The following SEC22A variants were observed in gnomAD, a reference collection of about 807,000 sequenced individuals.
The protein encoded by SEC22A is vesicle-trafficking protein SEC22a.
In SEC22A, 22 loss-of-function variants were observed where a neutral mutation model predicts 35.3. The ratio of observed to expected loss-of-function variants is 0.62; its 90% confidence interval spans 0.45 to 0.89. SEC22A has a LOEUF of 0.89. Among genes scored for constraint, SEC22A ranks in the 40% least tolerant of loss-of-function variants. The pLI is 0.00. For synonymous variants in SEC22A, 119 were observed against 129.5 expected (o/e 0.92, Z 0.55); for missense variants, 354 against 362.5 (o/e 0.98, Z 0.19).
At position 123,272,950 on chromosome 3, in the gene SEC22A, C is replaced by T. The variant is rs564584849; in HGVS notation, c.*1228C>T. 2.6e-5 allele frequency: 4 copies of T among 153,768 alleles called. No homozygotes were observed. The highest frequency in any genetic ancestry group is 3.9e-4 in the East Asian group (2 of 5,184). The allele number at this position is 153,768 out of a possible 1,614,324, so 9.5% of individuals were successfully genotyped here. On this transcript the variant is annotated 3_prime_UTR_variant, in exon 7 of 7. Transcript: ENST00000492595. ...AGAGAACTTACTTGTTTTTTGATAA[C>T]GTTTTAAAGATTGTTTAAGCAGTTA...
intron 2 of SEC22A, among the ~76,000 whole-genome samples, chr3:123,211,816 T>C (rs1309324871): frequency 1.3e-5 from 2 of 151,948 alleles, no homozygotes; most frequent in Non-Finnish European, 2.9e-5. Flanking sequence ...ACCTGTAATC[T>C]CAGCACTTTG....
At chr3:123,207,368 A>G (rs1936869752) in intron 1 of SEC22A, among the ~76,000 whole-genome samples, 1 of 151,962 alleles carries the variant, frequency 6.6e-6, no homozygotes. Context: ...TTGGAATGAG[A>G]TAATATTGAC....
intron 6 of SEC22A, among the ~76,000 whole-genome samples, chr3:123,269,183 G>A (rs1207821581): frequency 3.2e-5 from 3 of 92,594 alleles, no homozygotes; most frequent in Non-Finnish European, 7.3e-5. Context: ...AAATATATGT[G>A]TGTGTGTGTG....
chr3:123,240,636 G>A (rs1034624482), intron 4 of SEC22A, among the ~76,000 whole-genome samples: 3 of 152,136 alleles, frequency 2.0e-5, no homozygotes, highest in African/African-American at 7.2e-5. Flanking sequence ...TTTCCCTTGA[G>A]TAAATATTAG....
chr3:123,216,326 G>T (rs1323747870), intron 2 of SEC22A, among the ~76,000 whole-genome samples: 1 of 152,112 alleles, frequency 6.6e-6, no homozygotes, highest in Non-Finnish European at 1.5e-5. Context: ...AGGGTGAATT[G>T]GGAGATTAAC....
At chr3:123,269,595 T>G (rs925717892) in intron 6 of SEC22A, among the ~76,000 whole-genome samples, 1 of 151,614 alleles carries the variant, frequency 6.6e-6, no homozygotes, top group Non-Finnish European at 1.5e-5. Context: ...CATAACTGAT[T>G]AATACTCTTC....
intron 4 of SEC22A, among the ~76,000 whole-genome samples, chr3:123,231,908 C>T (rs1937333006): frequency 6.6e-6 from 1 of 151,892 alleles, no homozygotes; most frequent in African/African-American, 2.4e-5. Flanking sequence ...ACTGACAAAC[C>T]CTTAGCTAGA....
intron 4 of SEC22A, among the ~76,000 whole-genome samples, chr3:123,240,058 G>T (rs1937500873): frequency 6.6e-6 from 1 of 152,154 alleles, no homozygotes; most frequent in African/African-American, 2.4e-5. Flanking sequence ...TGAGAGCCTT[G>T]TAGAGGAGTT....
At chr3:123,233,715 C>T (rs1937362549) in intron 4 of SEC22A, among the ~76,000 whole-genome samples, 1 of 151,908 alleles carries the variant, frequency 6.6e-6, no homozygotes, top group South Asian at 2.1e-4. Flanking sequence ...ATAAAAGTCC[C>T]TTATGGAAAA....
At chr3:123,241,804 T>C (rs1306255529) in intron 4 of SEC22A, among the ~76,000 whole-genome samples, 1 of 152,070 alleles carries the variant, frequency 6.6e-6, no homozygotes, top group African/African-American at 2.4e-5. Flanking sequence ...GTACTGTTCA[T>C]CCATGAAAAA....
chr3:123,252,121 A>G (rs1228895080), intron 5 of SEC22A, among the ~76,000 whole-genome samples: 1 of 152,170 alleles, frequency 6.6e-6, no homozygotes, highest in African/African-American at 2.4e-5. Context: ...GAGGTCTCTT[A>G]CTTTTAATTT....
chr3:123,211,910 AC>A (rs1936944259), intron 2 of SEC22A, among the ~76,000 whole-genome samples: 1 of 152,108 alleles, frequency 6.6e-6, no homozygotes, highest in Non-Finnish European at 1.5e-5. Context: ...TCTACAAAAA[AC>A]TAAAAAATTA....
In SEC22A at chr3:123,222,716, C is replaced by T. The variant is rs140338732; in HGVS notation, c.183-843C>T. On this transcript the variant is annotated intron_variant, in intron 2 of 6. Coordinates refer to ENST00000492595, the MANE Select transcript of SEC22A (RefSeq NM_012430.5). ...CTGGAGACACACAATGTCCATCTAA[C>T]ATGAATGATGTTAGAGAGTACTTGG... Among the ~76,000 whole-genome samples the T allele has an allele frequency of 2.0e-3, 299 of 152,282 alleles. 1 individual carries two copies. The highest frequency in any genetic ancestry group is 3.3e-3 in the Non-Finnish European group (225 of 68,018).
At chr3:123,228,256 T>C (rs1345202858) in intron 4 of SEC22A, among the ~76,000 whole-genome samples, 1 of 151,876 alleles carries the variant, frequency 6.6e-6, no homozygotes, top group Non-Finnish European at 1.5e-5. Context: ...CAGTAAATTA[T>C]AAGACATGCA....
At position 123,273,828 on chromosome 3, in the gene SEC22A, A is replaced by G. The variant is rs1017661276; in HGVS notation, c.*2106A>G. On this transcript the variant is annotated 3_prime_UTR_variant, in exon 7 of 7. Coordinates refer to ENST00000492595, the MANE Select transcript of SEC22A (RefSeq NM_012430.5). The stretch of plus-strand genomic sequence containing the variant: ...TGTCTCAAAAAAGAAAGGTTTTCTA[A>G]ACTAATGGTTAAAACAGAATTTTCT... The G allele has an allele frequency of 6.6e-6, 1 of 152,148 alleles. No individual in the cohort carries two copies. Among genetic ancestry groups the G allele is most frequent in the South Asian group, 2.1e-4 (1 of 4,818 alleles). 9.4% of individuals were successfully genotyped at this position (152,148 alleles called of 1,614,324 possible).
chr3:123,221,149 CCAGTATGGAT>C (rs1937116054), intron 2 of SEC22A, among the ~76,000 whole-genome samples: 1 of 151,468 alleles, frequency 6.6e-6, no homozygotes, highest in Admixed American at 6.6e-5. Context: ...AGTAAGGTGA[CCAGTATGGAT>C]CAGAATTTTA....
intron 1 of SEC22A, chr3:123,202,311 GT>G (rs1232345332): frequency 6.6e-6 from 1 of 152,492 alleles, no homozygotes; most frequent in Non-Finnish European, 1.5e-5. Flanking sequence ...GGGAGGGACA[GT>G]CGCACTTGGC....
intron 4 of SEC22A, among the ~76,000 whole-genome samples, chr3:123,234,026 A>G (rs899049544): frequency 6.6e-6 from 1 of 152,270 alleles, no homozygotes. Flanking sequence ...CAAGATTAAT[A>G]TAAAAAACAA....
chr3:123,253,608 A>C (rs549217140), intron 5 of SEC22A, among the ~76,000 whole-genome samples: 1 of 151,672 alleles, frequency 6.6e-6, no homozygotes, highest in Admixed American at 6.6e-5. Flanking sequence ...GTTACTCCGC[A>C]GGCTGAGGCA....
Sources: gnomAD v4.1 joint callset for allele counts (sites outside exome capture counted in the v4.1 genomes callset) on GRCh38, gnomAD v4.1.1 for gene constraint, MANE v1.5 for transcripts, NCBI Gene and HGNC (gene_info 2026-07-23, HGNC 2026-07-21) for gene names.